DCANP1: variants seen among roughly 807,000 people sequenced by gnomAD.
DCANP1 encodes the protein dendritic cell associated nuclear protein 1, also known as dendritic cell nuclear protein 1.
For synonymous variants in DCANP1, 139 were observed against 124.2 expected, an observed-to-expected ratio of 1.12 and a Z score of -0.79; for missense variants, 328 against 293.7, an observed-to-expected ratio of 1.12 and a Z score of -0.85.
chr5:135,446,202 A>G lies in DCANP1; in HGVS notation c.*172T>C. Reference sequence around the variant, plus strand: ...AAGAAACTGTGGCACGGAGAGATTCAGTTACTTGTCCAGGATCACAGAACT... The same window carrying G: ...AAGAAACTGTGGCACGGAGAGATTCGGTTACTTGTCCAGGATCACAGAACT... On this transcript the variant is annotated 3_prime_UTR_variant, in exon 1 of 1. Coordinates refer to ENST00000503143, the MANE Select transcript of DCANP1 (RefSeq NM_130848.3). The G allele has an allele frequency of 1.3e-6, 1 of 754,468 alleles. No individual in the cohort carries two copies. Among genetic ancestry groups the G allele is most frequent in the Non-Finnish European group, 2.1e-6 (1 of 478,216 alleles). The allele number at this position is 754,468 out of a possible 1,614,324, so 46.7% of individuals were successfully genotyped here.
chr5:135,447,313 G>C lies in DCANP1; in HGVS notation c.-205C>G, dbSNP rs890189504. 75 of 641,014 alleles carry C rather than the reference G, an allele frequency of 1.2e-4. No homozygotes were observed. The highest frequency in any genetic ancestry group is 1.8e-4 in the Non-Finnish European group (64 of 364,152). The allele number at this position is 641,014 out of a possible 1,614,324, so 39.7% of individuals were successfully genotyped here. A position where few individuals can be genotyped will look rare whatever the true frequency, so the allele number is the denominator to read the frequency against. ...GTGGCTACAACTAAATCCCTAGTTGGGGAATCACAGAGCACAGGTAAGCCC... is the reference window on the plus strand; with the variant it reads ...GTGGCTACAACTAAATCCCTAGTTGCGGAATCACAGAGCACAGGTAAGCCC... On this transcript the variant is annotated 5_prime_UTR_variant, in exon 1 of 1. Coordinates refer to ENST00000503143, the MANE Select transcript of DCANP1 (RefSeq NM_130848.3).
chr5:135,446,947 C>G lies in DCANP1; in HGVS notation c.162G>C (p.Leu54=). 6 of 1,612,688 alleles carry G rather than the reference C, an allele frequency of 3.7e-6. No homozygotes were observed. Among genetic ancestry groups the G allele is most frequent in the Non-Finnish European group, 5.1e-6 (6 of 1,179,262 alleles). The change falls in exon 1 of 1, where the codon CTG becomes CTC. Residue 54 remains leucine (L), a synonymous_variant. Transcript: ENST00000503143. ...APPENFGNEL[L]PLSAPLQGLS... ...GGCCCTGGAGAGGGGCACTCAGGGG[C>G]AGCAGCTCATTCCCAAAGTTCTCTG...
rs1241497157 is a variant in DCANP1 at position 135,446,171 on chromosome 5, T to C, written c.*203A>G. On this transcript the variant is annotated 3_prime_UTR_variant, in exon 1 of 1. Coordinates refer to ENST00000503143, the MANE Select transcript of DCANP1 (RefSeq NM_130848.3). ...AAGTACTGTGAACTTTCCCGTTTTC[T>C]ACAAGAAGAAACTGTGGCACGGAGA... 2 of 615,914 alleles carry C rather than the reference T, an allele frequency of 3.2e-6. No homozygotes were observed. The highest frequency in any genetic ancestry group is 1.8e-5 in the African/African-American group (1 of 54,422). 38.2% of individuals were successfully genotyped at this position (615,914 alleles called of 1,614,324 possible). A position where few individuals can be genotyped will look rare whatever the true frequency, so the allele number is the denominator to read the frequency against.
chr5:135,446,285 C>T lies in DCANP1; in HGVS notation c.*89G>A. ...CCCAGGCAGCAGTCTGACCAGAGGGCCCTAGCTGGGAGCAGCGTTCATGTG... is the reference window on the plus strand; with the variant it reads ...CCCAGGCAGCAGTCTGACCAGAGGGTCCTAGCTGGGAGCAGCGTTCATGTG... On this transcript the variant is annotated 3_prime_UTR_variant, in exon 1 of 1. Transcript: ENST00000503143. 6.8e-7 allele frequency: 1 copy of T among 1,476,882 alleles called. No individual in the cohort carries two copies. Among genetic ancestry groups the T allele is most frequent in the South Asian group, 1.4e-5 (1 of 73,582 alleles). 91.5% of individuals were successfully genotyped at this position (1,476,882 alleles called of 1,614,324 possible).
Position 135,447,175 on chromosome 5 carries a change from C to T in DCANP1, c.-67G>A, listed in dbSNP as rs983554168. 6.3e-6 allele frequency: 10 copies of T among 1,598,702 alleles called. No individual in the cohort carries two copies. Among genetic ancestry groups the T allele is most frequent in the Non-Finnish European group, 6.0e-6 (7 of 1,168,868 alleles). The stretch of plus-strand genomic sequence containing the variant: ...TTTCATCAGACCAAAATACATGTGG[C>T]TTCTTCTCCTTGCCAGCCCTACCAG... On this transcript the variant is annotated 5_prime_UTR_variant, in exon 1 of 1. Transcript: ENST00000503143.
rs781356621 is a variant in DCANP1 at position 135,447,117 on chromosome 5, G to A, written c.-9C>T. 3 of 1,613,980 alleles carry A rather than the reference G, an allele frequency of 1.9e-6. No homozygotes were observed. The South Asian group carries it at 3.3e-5, about 18-fold the overall frequency. On this transcript the variant is annotated 5_prime_UTR_variant, in exon 1 of 1. Coordinates refer to ENST00000503143, the MANE Select transcript of DCANP1 (RefSeq NM_130848.3). The stretch of plus-strand genomic sequence containing the variant: ...GCTGCTCCGTAATGCATAGTTGGGG[G>A]ACCATTTTGGTCAGTGACAGATCAC...
At chr5:135,446,855 G>GC in the DCANP1 span, 22 of 1,613,904 alleles carry the variant, frequency 1.4e-5, no homozygotes, top group South Asian at 2.4e-4. Flanking sequence ...GAATTGAACT[G>GC]CCCCCTCTCG....
At position 135,446,334 on chromosome 5, in the gene DCANP1, A is replaced by G. The variant is rs778137686; in HGVS notation, c.*40T>C. Reference sequence around the variant, plus strand: ...TGCACTGTATGTTCGTGTTTAGTGTATGTCTGTGCATACTTGCGTGTGTGC... The same window carrying G: ...TGCACTGTATGTTCGTGTTTAGTGTGTGTCTGTGCATACTTGCGTGTGTGC... On this transcript the variant is annotated 3_prime_UTR_variant, in exon 1 of 1. Transcript: ENST00000503143. 1.3e-6 allele frequency: 2 copies of G among 1,554,346 alleles called. No homozygotes were observed. The highest frequency in any genetic ancestry group is 2.3e-5 in the East Asian group (1 of 44,236).
At position 135,446,582 on chromosome 5, in the gene DCANP1, T is replaced by C. The variant is rs1283420078; in HGVS notation, c.527A>G (p.Lys176Arg). The C allele has an allele frequency of 6.2e-7, 1 of 1,614,006 alleles. No homozygotes were observed. The highest frequency in any genetic ancestry group is 1.1e-5 in the South Asian group (1 of 91,074). ...PSETSFFLSRKSLKSSDPWHP... is the reference protein window; with the variant it reads ...PSETSFFLSRRSLKSSDPWHP... ...CCATGGATCTGATGATTTCAGTGATTTTCTACTCAAGAAAAATGAAGTCTC... is the reference window on the plus strand; with the variant it reads ...CCATGGATCTGATGATTTCAGTGATCTTCTACTCAAGAAAAATGAAGTCTC... Residue 176 changes from lysine (K) to arginine (R), a missense_variant, in exon 1 of 1, where the codon AAA becomes AGA. Physicochemically the swap from Lys to Arg is conservative, Grantham distance 26. Coordinates refer to ENST00000503143, the MANE Select transcript of DCANP1 (RefSeq NM_130848.3).
rs4976256 is a variant in DCANP1 at position 135,444,579 on chromosome 5, T to C, written c.*1795A>G. The C allele has an allele frequency of 0.98, 149,852 of 152,458 alleles. 73,659 individuals carry two copies. Among genetic ancestry groups the C allele is most frequent in the East Asian group, 1 (5,183 of 5,184 alleles). The allele number at this position is 152,458 out of a possible 1,614,324, so 9.4% of individuals were successfully genotyped here. Reference sequence around the variant, plus strand: ...GTAGATACAGTGGAAGACAGGTGGCTCAGCTGGCAGCCCACTGCAGGGGTG... The same window carrying C: ...GTAGATACAGTGGAAGACAGGTGGCCCAGCTGGCAGCCCACTGCAGGGGTG... On this transcript the variant is annotated 3_prime_UTR_variant, in exon 1 of 1. Coordinates refer to ENST00000503143, the MANE Select transcript of DCANP1 (RefSeq NM_130848.3).
Position 135,446,787 on chromosome 5 carries a change from C to T in DCANP1, c.322G>A (p.Gly108Arg), listed in dbSNP as rs781686804. ...LSSEASARPSGTQDELHSSRR... is the reference protein window; with the variant it reads ...LSSEASARPSRTQDELHSSRR... ...CTGCTATGCAGTTCATCCTGGGTCC[C>T]TGAGGGCCTCGCAGATGCTTCACTC... Residue 108 changes from glycine to arginine, a missense_variant, in exon 1 of 1, where the codon GGG becomes AGG. By Grantham distance (125) the Gly-to-Arg change is moderately radical. Transcript: ENST00000503143. 4 of 1,613,952 alleles carry T rather than the reference C, an allele frequency of 2.5e-6. No homozygotes were observed. The highest frequency in any genetic ancestry group is 3.4e-6 in the Non-Finnish European group (4 of 1,179,840).
Position 135,446,337 on chromosome 5 carries a change from T to C in DCANP1, c.*37A>G. On this transcript the variant is annotated 3_prime_UTR_variant, in exon 1 of 1. Coordinates refer to ENST00000503143, the MANE Select transcript of DCANP1 (RefSeq NM_130848.3). ...ACTGTATGTTCGTGTTTAGTGTATGTCTGTGCATACTTGCGTGTGTGCACA... is the reference window on the plus strand; with the variant it reads ...ACTGTATGTTCGTGTTTAGTGTATGCCTGTGCATACTTGCGTGTGTGCACA... 1 of 1,558,554 alleles carries C rather than the reference T, an allele frequency of 6.4e-7. No homozygotes were observed. Among genetic ancestry groups the C allele is most frequent in the Admixed American group, 1.8e-5 (1 of 55,276 alleles).
At position 135,444,964 on chromosome 5, in the gene DCANP1, T is replaced by C. The variant is rs1769228844; in HGVS notation, c.*1410A>G. On this transcript the variant is annotated 3_prime_UTR_variant, in exon 1 of 1. Transcript: ENST00000503143. ...GGCACAGTGAGGCGGGTGTTGCAAG[T>C]GGACGCGTCGGGGGTGGTCTGCACG... is the stretch of plus-strand genomic sequence containing the variant. 6.6e-6 allele frequency: 1 copy of C among 152,496 alleles called. No individual in the cohort carries two copies. The highest frequency in any genetic ancestry group is 2.4e-5 in the African/African-American group (1 of 41,426). 9.4% of individuals were successfully genotyped at this position (152,496 alleles called of 1,614,324 possible). A position where few individuals can be genotyped will look rare whatever the true frequency, so the allele number is the denominator to read the frequency against.
In DCANP1 at chr5:135,446,447, C is replaced by T. The variant is rs549299561; in HGVS notation, c.662G>A (p.Arg221Gln). The change falls in exon 1 of 1, where the codon CGG becomes CAG. Residue 221 changes from arginine to glutamine, a missense_variant. By Grantham distance (43) the Arg-to-Gln change is conservative. Transcript: ENST00000503143. ...TGGAGGTTGTTGGGAGGAACTCACC[C>T]GCCTGCTCTGGCTGTCTGAGCAGGT... ...SLTCSDSQSR[R>Q]VSSSQQPPLH... 739 of 1,613,584 alleles carry T rather than the reference C, an allele frequency of 4.6e-4. 11 individuals carry two copies. The South Asian group carries it at 7.6e-3, about 17-fold the overall frequency.
At position 135,446,691 on chromosome 5, in the gene DCANP1, G is replaced by T; in HGVS notation, c.418C>A (p.Pro140Thr). 2 of 1,613,840 alleles carry T rather than the reference G, an allele frequency of 1.2e-6. No homozygotes were observed. Among genetic ancestry groups the T allele is most frequent in the Non-Finnish European group, 1.7e-6 (2 of 1,179,740 alleles). Residue 140 changes from proline to threonine, a missense_variant, in exon 1 of 1, where the codon CCG becomes ACG. Physicochemically the swap from Pro to Thr is conservative, Grantham distance 38. Coordinates refer to ENST00000503143, the MANE Select transcript of DCANP1 (RefSeq NM_130848.3). ...KHLVCSFRLYPFTVHTVSPGN... is the reference protein window; with the variant it reads ...KHLVCSFRLYTFTVHTVSPGN... ...GGTGAGACTGTGTGAACTGTGAACGGGTAGAGTCTGAAACTACAAACCAGA... is the reference window on the plus strand; with the variant it reads ...GGTGAGACTGTGTGAACTGTGAACGTGTAGAGTCTGAAACTACAAACCAGA...
Position 135,444,443 on chromosome 5 carries a change from G to T in DCANP1, c.*1931C>A, listed in dbSNP as rs12654326. On this transcript the variant is annotated 3_prime_UTR_variant, in exon 1 of 1. Coordinates refer to ENST00000503143, the MANE Select transcript of DCANP1 (RefSeq NM_130848.3). ...TAGGCTGCCACCATGAGGGAAGCTG[G>T]AGGGAGGACCTGTTAACCTCATGGT... 15,243 of 152,346 alleles carry T rather than the reference G, an allele frequency of 0.1. 854 individuals are homozygous for T. The highest frequency in any genetic ancestry group is 0.2 in the South Asian group (969 of 4,826). 9.4% of individuals were successfully genotyped at this position (152,346 alleles called of 1,614,324 possible). A position where few individuals can be genotyped will look rare whatever the true frequency, so the allele number is the denominator to read the frequency against.
In DCANP1 at chr5:135,445,170, GCTGA is replaced by G. The variant is rs1357082209; in HGVS notation, c.*1200_*1203del. The G allele has an allele frequency of 6.6e-6, 1 of 152,144 alleles. No individual in the cohort carries two copies. The highest frequency in any genetic ancestry group is 1.5e-5 in the Non-Finnish European group (1 of 68,054). 9.4% of individuals were successfully genotyped at this position (152,144 alleles called of 1,614,324 possible). A position where few individuals can be genotyped will look rare whatever the true frequency, so the allele number is the denominator to read the frequency against. On this transcript the variant is annotated 3_prime_UTR_variant, in exon 1 of 1. Transcript: ENST00000503143. ...TGAGCCTCTGCAGGGGACAGGAAGT[GCTGA>G]CTGAGAACTGTCTCTCTGTGACATG...
Position 135,446,258 on chromosome 5 carries a change from A to G in DCANP1, c.*116T>C, listed in dbSNP as rs1769257949. ...AAGTGGGGGTGGGGACAAGAATTCT[A>G]ACCCAGGCAGCAGTCTGACCAGAGG... On this transcript the variant is annotated 3_prime_UTR_variant, in exon 1 of 1. Coordinates refer to ENST00000503143, the MANE Select transcript of DCANP1 (RefSeq NM_130848.3). 7.6e-7 allele frequency: 1 copy of G among 1,315,680 alleles called. No homozygotes were observed. Among genetic ancestry groups the G allele is most frequent in the South Asian group, 1.4e-5 (1 of 69,204 alleles). The allele number at this position is 1,315,680 out of a possible 1,614,324, so 81.5% of individuals were successfully genotyped here.
rs1045042592 is a variant in DCANP1 at position 135,444,635 on chromosome 5, A to G, written c.*1739T>C. 2 of 152,262 alleles carry G rather than the reference A, an allele frequency of 1.3e-5. No homozygotes were observed. Among genetic ancestry groups the G allele is most frequent in the African/African-American group, 4.8e-5 (2 of 41,456 alleles). The allele number at this position is 152,262 out of a possible 1,614,324, so 9.4% of individuals were successfully genotyped here. A position where few individuals can be genotyped will look rare whatever the true frequency, so the allele number is the denominator to read the frequency against. ...GGTCGCAATGCGCTGTCCCCACCACATGGAGCTTGCTTGCCTCCGCACCTC... is the reference window on the plus strand; with the variant it reads ...GGTCGCAATGCGCTGTCCCCACCACGTGGAGCTTGCTTGCCTCCGCACCTC... On this transcript the variant is annotated 3_prime_UTR_variant, in exon 1 of 1. Transcript: ENST00000503143.
Sources: gnomAD v4.1 joint callset for allele counts on GRCh38, gnomAD v4.1.1 for gene constraint, MANE v1.5 for transcripts, NCBI Gene and HGNC (gene_info 2026-07-23, HGNC 2026-07-21) for gene names.